Variants in FGFR2 observed in about 807,000 individuals in gnomAD.
FGFR2 encodes BEK fibroblast growth factor receptor.
A neutral mutation model predicts 95.9 loss-of-function variants in FGFR2; 19 were observed. The ratio of observed to expected loss-of-function variants is 0.20; its 90% CI spans 0.14 to 0.29. FGFR2 has a LOEUF of 0.29. FGFR2 is among the 10% of genes least tolerant of loss of function. The probability of loss-of-function intolerance (pLI) is 1.00; values close to 1 mark genes in which losing one functional copy is unlikely to be tolerated. For synonymous variants in FGFR2, 392 were observed against 393.3 expected, an observed-to-expected ratio of 1.00 and a Z score of 0.04; for missense variants, 707 against 1,056.9, an observed-to-expected ratio of 0.67 and a Z score of 4.59.
chr10:121,488,774 A>G (rs1845760815), intron 13 of FGFR2, among the ~76,000 whole-genome samples: 1 of 152,094 alleles, frequency 6.6e-6, no homozygotes, highest in African/African-American at 2.4e-5. Flanking sequence ...CTGCTTATAG[A>G]TCTGTATCTG....
intron 13 of FGFR2, among the ~76,000 whole-genome samples, chr10:121,493,424 C>T (rs1252913426): frequency 1.3e-5 from 2 of 152,142 alleles, no homozygotes; most frequent in Non-Finnish European, 2.9e-5. Context: ...CCACCACTGC[C>T]TCTAGGACCA....
Position 121,565,353 on chromosome 10 carries a change from T to C in FGFR2, c.376+85A>G, listed in dbSNP as rs56181717. 2.3e-5 allele frequency: 36 copies of C among 1,566,456 alleles called. No homozygotes were observed. The East Asian group carries it at 7.8e-4, about 34-fold the overall frequency. ...TGTATGCCTGGCATCCAATTACAAT[T>C]AGAGATCTCACTACCTTTTCACTTG... On this transcript the variant is annotated intron_variant, in intron 3 of 17. Coordinates refer to ENST00000358487, the MANE Select transcript of FGFR2 (RefSeq NM_000141.5).
At chr10:121,510,143 A>C (rs916115913) in intron 9 of FGFR2, among the ~76,000 whole-genome samples, 7 of 152,196 alleles carry the variant, frequency 4.6e-5, no homozygotes, top group Non-Finnish European at 8.8e-5. Context: ...TTCCTCCATA[A>C]CAAAATTTAG....
rs1001326395 is a variant in FGFR2, at chr10:121,483,875, C to T, written c.2196-72G>A. 7.2e-5 allele frequency: 79 copies of T among 1,090,328 alleles called. 1 individual carries two copies. The highest frequency in any genetic ancestry group is 6.9e-6 in the Non-Finnish European group (5 of 721,302). 67.5% of individuals were successfully genotyped at this position (1,090,328 alleles called of 1,614,324 possible). The stretch of plus-strand genomic sequence containing the variant: ...CGTGGTTATAGTCAGTTTTAATAGG[C>T]AATATGGGGACGTGGTGTAAATTAG... On this transcript the variant is annotated intron_variant, in intron 16 of 17. Coordinates refer to ENST00000358487, the MANE Select transcript of FGFR2 (RefSeq NM_000141.5).
intron 2 of FGFR2, among the ~76,000 whole-genome samples, chr10:121,584,263 AAAC>A (rs1861413397): frequency 6.6e-6 from 1 of 151,988 alleles, no homozygotes; most frequent in East Asian, 1.9e-4. Flanking sequence ...CACTACAGGC[AAAC>A]ATGGCAAGGA....
At chr10:121,597,356 CT>C (rs1191601904) in intron 1 of FGFR2, among the ~76,000 whole-genome samples, 5 of 152,230 alleles carry the variant, frequency 3.3e-5, no homozygotes, top group Admixed American at 2.6e-4. Flanking sequence ...AGTTCGCCCC[CT>C]AGCCCCAGGC....
chr10:121,574,804 T>C (rs1859453435), intron 2 of FGFR2, among the ~76,000 whole-genome samples: 1 of 152,120 alleles, frequency 6.6e-6, no homozygotes, highest in African/African-American at 2.4e-5. Context: ...CTCCGCACAA[T>C]ATAAAGGTGA....
intron 9 of FGFR2, among the ~76,000 whole-genome samples, chr10:121,513,768 C>G (rs958922633): frequency 6.6e-6 from 1 of 152,106 alleles, no homozygotes; most frequent in Admixed American, 6.5e-5. Context: ...TTTGGTCATT[C>G]GCCTACGCTT....
intron 13 of FGFR2, among the ~76,000 whole-genome samples, chr10:121,494,241 A>AT (rs1161678253): frequency 6.6e-6 from 1 of 151,538 alleles, no homozygotes; most frequent in African/African-American, 2.4e-5. Context: ...CTTTTTCAAT[A>AT]TTTTTTTACA....
At chr10:121,560,614 C>CAAA (rs1856810944) in intron 4 of FGFR2, among the ~76,000 whole-genome samples, 1 of 46,476 alleles carries the variant, frequency 2.2e-5, no homozygotes, top group African/African-American at 9.6e-5. Flanking sequence ...GACTCCGTCC[C>CAAA]CAAAAAAAAA....
At chr10:121,597,271 TAG>T (rs1241661972) in intron 1 of FGFR2, among the ~76,000 whole-genome samples, 2 of 152,266 alleles carry the variant, frequency 1.3e-5, no homozygotes, top group East Asian at 3.9e-4. Flanking sequence ...GCGCGCAAGT[TAG>T]AACTCGCCTG....
chr10:121,590,705 T>C (rs1862504582), intron 2 of FGFR2, among the ~76,000 whole-genome samples: 1 of 152,182 alleles, frequency 6.6e-6, no homozygotes, highest in South Asian at 2.1e-4. Context: ...AAAGCCAAGA[T>C]GACTAAACAT....
intron 2 of FGFR2, among the ~76,000 whole-genome samples, chr10:121,572,158 G>GAAAAAAAAAAA (rs71022844): frequency 9.4e-6 from 1 of 105,848 alleles, no homozygotes; most frequent in Non-Finnish European, 1.9e-5. Flanking sequence ...CACAAAAAAT[G>GAAAAAAAAAAA]AAAAAAAAAA....
chr10:121,515,303 C>T lies in FGFR2; in HGVS notation c.1101G>A (p.Lys367=), dbSNP rs1849562100. 1 of 1,614,018 alleles carries T rather than the reference C, an allele frequency of 6.2e-7. No individual in the cohort carries two copies. The highest frequency in any genetic ancestry group is 1.7e-5 in the Admixed American group (1 of 59,996). ...LTVLPAPGRE[K]EITASPDYLE... is the part of the protein sequence containing the mutation. ...GGTAGTCTGGGGAAGCTGTAATCTCCTTTTCTCTTCCAGGCGCTAGATTGC... is the reference window on the plus strand; with the variant it reads ...GGTAGTCTGGGGAAGCTGTAATCTCTTTTTCTCTTCCAGGCGCTAGATTGC... The change falls in exon 9 of 18, where the codon AAG becomes AAA. Residue 367 remains lysine (K), a synonymous_variant. Coordinates refer to ENST00000358487, the MANE Select transcript of FGFR2 (RefSeq NM_000141.5).
At chr10:121,589,877 C>A (rs936944172) in intron 2 of FGFR2, among the ~76,000 whole-genome samples, 1 of 152,148 alleles carries the variant, frequency 6.6e-6, no homozygotes, top group Non-Finnish European at 1.5e-5. Context: ...GCAGATAATA[C>A]GAAACAGAAG....
At chr10:121,594,177 G>C (rs1278703299) in intron 1 of FGFR2, 6 of 451,992 alleles carry the variant, frequency 1.3e-5, no homozygotes, top group Non-Finnish European at 2.4e-5. Context: ...CTTTTTAAAA[G>C]CATACTTTTA....
At chr10:121,524,067 T>C in intron 6 of FGFR2, among the ~76,000 whole-genome samples, 1 of 150,614 alleles carries the variant, frequency 6.6e-6, no homozygotes, top group African/African-American at 2.5e-5. Context: ...GAGCTCCAGT[T>C]ATTAAGTTAT....
chr10:121,551,392 A>T lies in FGFR2; in HGVS notation c.522T>A (p.Thr174=), dbSNP rs2134837107. The T allele has an allele frequency of 6.2e-7, 1 of 1,614,154 alleles. No homozygotes were observed. The highest frequency in any genetic ancestry group is 8.5e-7 in the Non-Finnish European group (1 of 1,180,036). Residue 174 remains threonine (T), a synonymous_variant, in exon 5 of 18, where the codon ACT becomes ACA. Coordinates refer to ENST00000358487, the MANE Select transcript of FGFR2 (RefSeq NM_000141.5). ...KRLHAVPAAN[T]VKFRCPAGGN... Reference sequence around the variant, plus strand: ...CCCCGGCTGGGCAGCGAAACTTGACAGTGTTGGCCGCAGGCACAGCATGGA... The same window carrying T: ...CCCCGGCTGGGCAGCGAAACTTGACTGTGTTGGCCGCAGGCACAGCATGGA...
In FGFR2 at chr10:121,509,229, A is replaced by T. The variant is rs553718920; in HGVS notation, c.1288-5288T>A. Reference sequence around the variant, plus strand: ...GAGTTACTTATAAACAATCAACACGAACACTCTAGTAAACTGTTTTCCCAC... The same window carrying T: ...GAGTTACTTATAAACAATCAACACGTACACTCTAGTAAACTGTTTTCCCAC... On this transcript the variant is annotated intron_variant, in intron 9 of 17. Coordinates refer to ENST00000358487, the MANE Select transcript of FGFR2 (RefSeq NM_000141.5). 2.7e-4 allele frequency among the ~76,000 whole-genome samples: 41 copies of T among 152,260 alleles called. No individual in the cohort carries two copies. In the South Asian group the frequency reaches 4.6e-3, roughly 17 times the overall value.
Sources: gnomAD v4.1 joint callset for allele counts (sites outside exome capture counted in the v4.1 genomes callset) on GRCh38, gnomAD v4.1.1 for gene constraint, MANE v1.5 for transcripts, NCBI Gene and HGNC (gene_info 2026-07-23, HGNC 2026-07-21) for gene names.